The following CFTR variants were observed in gnomAD, a reference collection of about 807,000 sequenced individuals.
CFTR encodes cystic fibrosis transmembrane conductance regulator.
In CFTR, 181 loss-of-function variants were observed where a neutral mutation model predicts 171.6. The observed-to-expected ratio is 1.05, with a 90% confidence interval of 0.93 to 1.19. The LOEUF (loss-of-function observed/expected upper bound fraction) is 1.19. Ranked by LOEUF, CFTR falls within the 50% of genes most tolerant of loss-of-function variation. CFTR has a pLI of 0.00. For synonymous variants in CFTR, 583 were observed against 608.0 expected (o/e 0.96, Z 0.60); for missense variants, 1,968 against 1,734.7 (o/e 1.13, Z -2.39).
At chr7:117,536,927 A>C (rs1798968906) in intron 7 of CFTR, among the ~76,000 whole-genome samples, 1 of 152,320 alleles carries the variant, frequency 6.6e-6, no homozygotes, top group Non-Finnish European at 1.5e-5. Context: ...AATTTCCTAC[A>C]TATGTTCACT....
At chr7:117,636,437 T>A (rs1475413857) in intron 22 of CFTR, among the ~76,000 whole-genome samples, 1 of 152,130 alleles carries the variant, frequency 6.6e-6, no homozygotes, top group African/African-American at 2.4e-5. Context: ...TATCTGACAC[T>A]AATTTGGAAA....
chr7:117,628,350 A>G (rs1013579730), intron 22 of CFTR, among the ~76,000 whole-genome samples: 1 of 152,214 alleles, frequency 6.6e-6, no homozygotes. Flanking sequence ...CTTAATATAT[A>G]CTGATTTCTG....
chr7:117,597,792 C>T (rs1373398885), intron 15 of CFTR, among the ~76,000 whole-genome samples: 2 of 149,686 alleles, frequency 1.3e-5, no homozygotes, highest in Non-Finnish European at 3.0e-5. Flanking sequence ...CAAGCCTCTA[C>T]TGTTCTTCAC....
intron 24 of CFTR, among the ~76,000 whole-genome samples, chr7:117,662,331 C>A (rs1793304042): frequency 1.3e-5 from 2 of 152,170 alleles, no homozygotes; most frequent in African/African-American, 2.4e-5. Context: ...GAACACAGAG[C>A]TGAAGAGCAC....
chr7:117,493,886 T>C (rs1468367208), intron 1 of CFTR, among the ~76,000 whole-genome samples: 1 of 152,066 alleles, frequency 6.6e-6, no homozygotes, highest in Admixed American at 6.6e-5. Context: ...CATGATGTTC[T>C]TTGAATCCTT....
chr7:117,589,356 A>T (rs900207526), intron 12 of CFTR, among the ~76,000 whole-genome samples: 5 of 152,014 alleles, frequency 3.3e-5, no homozygotes, highest in African/African-American at 7.2e-5. Context: ...TTTTAAAAAA[A>T]TTTTTAAATT....
At chr7:117,607,018 C>T (rs1792310351) in intron 18 of CFTR, among the ~76,000 whole-genome samples, 1 of 152,018 alleles carries the variant, frequency 6.6e-6, no homozygotes, top group Non-Finnish European at 1.5e-5. Context: ...TTGAGAGGCA[C>T]AAAGGACCAT....
At chr7:117,594,270 CT>C (rs2116037976) in intron 14 of CFTR, among the ~76,000 whole-genome samples, 1 of 152,284 alleles carries the variant, frequency 6.6e-6, no homozygotes, top group African/African-American at 2.4e-5. Flanking sequence ...ATTCATAGCA[CT>C]TTCCCATGAG....
At chr7:117,579,259 T>C (rs1384466294) in intron 11 of CFTR, among the ~76,000 whole-genome samples, 6 of 151,934 alleles carry the variant, frequency 3.9e-5, no homozygotes, top group Non-Finnish European at 8.8e-5. Flanking sequence ...TTTAATAAAA[T>C]TTTGCATCTT....
intron 15 of CFTR, among the ~76,000 whole-genome samples, chr7:117,602,049 T>A (rs1021848974): frequency 1.2e-4 from 19 of 152,254 alleles, no homozygotes; most frequent in Middle Eastern, 6.8e-3. Flanking sequence ...CTTTTTTTTT[T>A]AAGACAATCT....
chr7:117,610,453 A>G (rs1463914871), intron 18 of CFTR, 66 bp from the exon 19 acceptor site: 2 of 1,376,170 alleles, frequency 1.5e-6, no homozygotes, highest in African/African-American at 2.9e-5. Context: ...TAAATCACTG[A>G]CACACTTTGT....
At chr7:117,628,569 G>T (rs1792691243) in intron 22 of CFTR, among the ~76,000 whole-genome samples, 1 of 152,056 alleles carries the variant, frequency 6.6e-6, no homozygotes. Flanking sequence ...TCTCTCTGTG[G>T]TTAATTGCAA....
intron 7 of CFTR, among the ~76,000 whole-genome samples, chr7:117,538,318 C>T (rs1229644819): frequency 2.0e-5 from 3 of 152,172 alleles, no homozygotes; most frequent in Non-Finnish European, 2.9e-5. Context: ...TCTTTTATTG[C>T]TCTTTAGTAA....
At chr7:117,640,542 A>C (rs1460126415) in intron 22 of CFTR, among the ~76,000 whole-genome samples, 1 of 152,124 alleles carries the variant, frequency 6.6e-6, no homozygotes, top group East Asian at 1.9e-4. Flanking sequence ...CTTCTTACCA[A>C]AATTCTTGAT....
intron 13 of CFTR, among the ~76,000 whole-genome samples, chr7:117,591,304 T>C (rs908340198): frequency 3.3e-5 from 5 of 152,132 alleles, no homozygotes; most frequent in African/African-American, 9.6e-5. Flanking sequence ...CTATATGATA[T>C]ATGACATTTT....
chr7:117,596,471 A>G (rs1372162704), intron 15 of CFTR, among the ~76,000 whole-genome samples: 1 of 152,130 alleles, frequency 6.6e-6, no homozygotes. Context: ...AGTCCCATAG[A>G]CCGCCCAAGG....
At chr7:117,565,533 G>T (rs1335020215) in intron 11 of CFTR, among the ~76,000 whole-genome samples, 1 of 152,088 alleles carries the variant, frequency 6.6e-6, no homozygotes, top group Non-Finnish European at 1.5e-5. Flanking sequence ...TAAGGGGTGC[G>T]GGGTGGAGGG....
At position 117,627,600 on chromosome 7, in the gene CFTR, A is replaced by G; in HGVS notation, c.3547A>G (p.Lys1183Glu). The G allele has an allele frequency of 1.9e-6, 3 of 1,613,500 alleles. No homozygotes were observed. The South Asian group carries it at 3.3e-5, about 18-fold the overall frequency. The part of the protein sequence containing the change: ...GKPTKSTKPY[K>E]NGQLSKVMII... The stretch of plus-strand genomic sequence containing the variant: ...ACCTACCAAGTCAACCAAACCATAC[A>G]AGAATGGCCAACTCTCGAAAGTTAT... The change falls in exon 22 of 27, where the codon AAG becomes GAG. Residue 1183 changes from lysine to glutamate, a missense_variant. By Grantham distance (56) the Lys-to-Glu change is moderately conservative. Coordinates refer to ENST00000003084, the MANE Select transcript of CFTR (RefSeq NM_000492.4).
intron 9 of CFTR, among the ~76,000 whole-genome samples, chr7:117,545,991 T>C (rs1293163868): frequency 6.6e-6 from 1 of 150,940 alleles, no homozygotes; most frequent in Non-Finnish European, 1.5e-5. Flanking sequence ...GCTAATTTTA[T>C]TTTATTTTAT....
Sources: gnomAD v4.1 joint callset for allele counts (sites outside exome capture counted in the v4.1 genomes callset) on GRCh38, gnomAD v4.1.1 for gene constraint, MANE v1.5 for transcripts, NCBI Gene and HGNC (gene_info 2026-07-23, HGNC 2026-07-21) for gene names.